The following ACTR3C variants were observed in gnomAD, a reference collection of about 807,000 sequenced individuals.
ACTR3C encodes actin related protein 3C, also known as actin-related protein 3C.
Under a neutral mutation model 26.3 loss-of-function variants are expected in ACTR3C, and 18 were observed. That is an observed-to-expected ratio of 0.68 (90% CI 0.47 to 1.01). The LOEUF is 1.01. Among genes scored for constraint, ACTR3C ranks in the 50% least tolerant of loss-of-function variants. The pLI is 0.00. For synonymous variants in ACTR3C, 55 were observed against 94.5 expected, an observed-to-expected ratio of 0.58 and a Z score of 2.42; for missense variants, 184 against 250.7, an observed-to-expected ratio of 0.73 and a Z score of 1.80.
chr7:150,024,295 C>T, the ACTR3C span, among the ~76,000 whole-genome samples: 1 of 152,104 alleles, frequency 6.6e-6, no homozygotes, highest in Non-Finnish European at 1.5e-5. Flanking sequence ...GAGATGGCAG[C>T]AAAACGGGGA....
chr7:150,036,532 C>T, the ACTR3C span, among the ~76,000 whole-genome samples: 1 of 145,058 alleles, frequency 6.9e-6, no homozygotes, highest in African/African-American at 2.5e-5. Flanking sequence ...TGTTGGGATC[C>T]CCATTTCAAA....
the ACTR3C span, among the ~76,000 whole-genome samples, chr7:150,114,542 C>T: frequency 2.6e-5 from 4 of 151,740 alleles, no homozygotes; most frequent in Non-Finnish European, 4.4e-5. Context: ...TGAAAATTTC[C>T]GAGGAAGACG....
the ACTR3C span, among the ~76,000 whole-genome samples, chr7:149,969,172 G>T: frequency 6.6e-6 from 1 of 152,158 alleles, no homozygotes. Context: ...GAAAGGGAAC[G>T]CTGTCTTCGT....
the ACTR3C span, among the ~76,000 whole-genome samples, chr7:150,114,259 A>G: frequency 2.0e-5 from 3 of 152,114 alleles, no homozygotes; most frequent in African/African-American, 4.8e-5. Context: ...TCTGGTCCCT[A>G]CTTGCATGCA....
chr7:150,176,165 C>T, the ACTR3C span, among the ~76,000 whole-genome samples: 6 of 150,838 alleles, frequency 4.0e-5, no homozygotes, highest in Non-Finnish European at 2.9e-5. Flanking sequence ...AACAAATTAA[C>T]TTGGCACAAA....
the ACTR3C span, among the ~76,000 whole-genome samples, chr7:150,175,815 C>CAA: frequency 1.7e-3 from 79 of 46,256 alleles, 2 homozygotes; most frequent in African/African-American, 4.2e-3. Context: ...TCCATCTGAA[C>CAA]AAAAAAAAAA....
chr7:150,026,076 G>A, the ACTR3C span, among the ~76,000 whole-genome samples: 3 of 152,180 alleles, frequency 2.0e-5, no homozygotes, highest in Admixed American at 2.0e-4. Context: ...TAAAGAAAGG[G>A]AAAATGCCTG....
chr7:150,035,006 T>C, the ACTR3C span, among the ~76,000 whole-genome samples: 2 of 134,544 alleles, frequency 1.5e-5, no homozygotes, highest in Non-Finnish European at 3.2e-5. Context: ...GTGATGGGGG[T>C]CCTCAGAGCC....
the ACTR3C span, among the ~76,000 whole-genome samples, chr7:150,202,162 A>G: frequency 6.6e-6 from 1 of 152,212 alleles, no homozygotes; most frequent in African/African-American, 2.4e-5. Flanking sequence ...CCCACAACCC[A>G]CAACCCCGTA....
intron 1 of ACTR3C, among the ~76,000 whole-genome samples, chr7:150,302,252 T>C (rs1188680110): frequency 1.3e-5 from 2 of 152,192 alleles, no homozygotes; most frequent in African/African-American, 2.4e-5. Context: ...AAAAATAATA[T>C]TAATGCTGAC....
intron 6 of ACTR3C, among the ~76,000 whole-genome samples, chr7:150,257,798 A>G (rs1207170543): frequency 6.6e-6 from 1 of 152,178 alleles, no homozygotes; most frequent in African/African-American, 2.4e-5. Flanking sequence ...CAAGAGAAGG[A>G]GCAGAAAGCT....
chr7:150,080,840 T>C, the ACTR3C span, among the ~76,000 whole-genome samples: 1 of 152,320 alleles, frequency 6.6e-6, no homozygotes, highest in East Asian at 1.9e-4. Flanking sequence ...TTACTGGCCA[T>C]GGTTGTTCAA....
chr7:150,124,308 C>T, the ACTR3C span, among the ~76,000 whole-genome samples: 12 of 152,232 alleles, frequency 7.9e-5, no homozygotes, highest in South Asian at 6.2e-4. Context: ...TTTAAACGTA[C>T]GAGTGCAGTT....
chr7:149,958,750 G>A, the ACTR3C span, among the ~76,000 whole-genome samples: 684 of 152,298 alleles, frequency 4.5e-3, 2 homozygotes, highest in African/African-American at 0.016. Flanking sequence ...AAGCAGTCAA[G>A]TCCACATATT....
chr7:150,289,356 G>A, intron 4 of ACTR3C, 94 bp downstream of exon 4: 5 of 1,449,624 alleles, frequency 3.4e-6, no homozygotes, highest in Non-Finnish European at 4.6e-6. Context: ...GGGAGAGGAT[G>A]GAAAGGAGGG....
chr7:150,150,307 C>T, the ACTR3C span, among the ~76,000 whole-genome samples: 72 of 152,288 alleles, frequency 4.7e-4, no homozygotes, highest in African/African-American at 1.7e-3. Flanking sequence ...TATTTAGCAT[C>T]GCTTGTTGAC....
the ACTR3C span, among the ~76,000 whole-genome samples, chr7:150,064,687 T>C: frequency 4.0e-4 from 52 of 128,528 alleles, 1 homozygote; most frequent in South Asian, 0.013. Flanking sequence ...CACACACACG[T>C]AATCCTGGCC....
chr7:149,915,754 C>T, the ACTR3C span, among the ~76,000 whole-genome samples: 1 of 150,788 alleles, frequency 6.6e-6, no homozygotes, highest in African/African-American at 2.5e-5. Flanking sequence ...CCCTATTAGC[C>T]AAATAGTGCC....
chr7:150,209,850 T>G, the ACTR3C span, among the ~76,000 whole-genome samples: 1 of 136,394 alleles, frequency 7.3e-6, no homozygotes, highest in African/African-American at 2.8e-5. Context: ...GCCCAGGAGG[T>G]GGAGGTTGCA....
Sources: gnomAD v4.1 joint callset for allele counts (sites outside exome capture counted in the v4.1 genomes callset) on GRCh38, gnomAD v4.1.1 for gene constraint, MANE v1.5 for transcripts, NCBI Gene and HGNC (gene_info 2026-07-23, HGNC 2026-07-21) for gene names.